ANKRD40CL: variants seen among roughly 807,000 people sequenced by gnomAD.
The protein encoded by ANKRD40CL is ANKRD40 C-terminal like.
For missense variants in ANKRD40CL, 11 were observed against 6.4 expected, an observed-to-expected ratio of 1.71 and a Z score of -0.77; for synonymous variants, 5 against 2.3, an observed-to-expected ratio of 2.14 and a Z score of -1.04.
Position 50,761,359 on chromosome 17 carries a change from G to A in ANKRD40CL, c.*4C>T, listed in dbSNP as rs1172100948. 3 of 398,108 alleles carry A rather than the reference G, an allele frequency of 7.5e-6. No homozygotes were observed. Among genetic ancestry groups the A allele is most frequent in the African/African-American group, 6.2e-5 (3 of 48,514 alleles). 24.7% of individuals were successfully genotyped at this position (398,108 alleles called of 1,614,324 possible). ...CCACCATGCGCGGCCATTCCTGGGA[G>A]TATTTAATAAGTCATTTTTGCAGCT... On this transcript the variant is annotated 3_prime_UTR_variant, in exon 4 of 4. Transcript: ENST00000450727.
intron 2 of ANKRD40CL, 42 bp from the exon 3 acceptor site, chr17:50,763,599 G>A (rs1458227542): frequency 2.5e-6 from 1 of 398,748 alleles, no homozygotes; most frequent in Non-Finnish European, 4.4e-6. Flanking sequence ...TTCAAATACA[G>A]TTTGTAAAGG....
At chr17:50,767,234 T>C (rs937164968) in intron 1 of ANKRD40CL, 7 of 556,866 alleles carry the variant, frequency 1.3e-5, no homozygotes, top group Admixed American at 6.7e-5. Context: ...ATGGTGCCCT[T>C]CGGAGGGGAG....
chr17:50,763,374 A>G (rs557842174), intron 3 of ANKRD40CL, 23 bp downstream of exon 3: 3 of 398,962 alleles, frequency 7.5e-6, no homozygotes, highest in Non-Finnish European at 8.8e-6. Flanking sequence ...GTGATTCTGC[A>G]TTTAGAAACT....
chr17:50,765,158 A>G (rs1002379045), intron 2 of ANKRD40CL: 2 of 152,220 alleles, frequency 1.3e-5, no homozygotes, highest in African/African-American at 4.8e-5. Flanking sequence ...TATACCCTGG[A>G]TTTTGGAGGC....
intron 2 of ANKRD40CL, 34 bp downstream of exon 2, chr17:50,766,840 A>G: frequency 1.6e-6 from 1 of 626,924 alleles, no homozygotes; most frequent in Non-Finnish European, 2.9e-6. Flanking sequence ...ATCCTCCTTG[A>G]GGACCATGTT....
chr17:50,763,649 C>G, intron 2 of ANKRD40CL, 92 bp from the exon 3 acceptor site: 1 of 397,986 alleles, frequency 2.5e-6, no homozygotes, highest in Non-Finnish European at 4.4e-6. Flanking sequence ...TCTATTATTA[C>G]AGCATAAATA....
At chr17:50,764,642 G>A (rs1463600577) in intron 2 of ANKRD40CL, 3 of 162,134 alleles carry the variant, frequency 1.9e-5, no homozygotes, top group East Asian at 1.7e-4. Flanking sequence ...GGAAGGGAAA[G>A]GAGTGAATAT....
At chr17:50,761,932 T>C (rs912376671) in intron 3 of ANKRD40CL, among the ~76,000 whole-genome samples, 1 of 151,410 alleles carries the variant, frequency 6.6e-6, no homozygotes, top group Non-Finnish European at 1.5e-5. Context: ...CCCCATAAGA[T>C]AGTTCTGTAT....
At chr17:50,767,337 AG>A (rs958220779) in intron 1 of ANKRD40CL, 125 bp downstream of exon 1, 2 of 368,628 alleles carry the variant, frequency 5.4e-6, no homozygotes, top group African/African-American at 4.3e-5. Flanking sequence ...ACCAGGGGTA[AG>A]AAAAACCAAA....
At chr17:50,767,140 A>C in intron 1 of ANKRD40CL, 129 bp from the exon 2 acceptor site, 1 of 674,422 alleles carries the variant, frequency 1.5e-6, no homozygotes, top group Non-Finnish European at 2.7e-6. Flanking sequence ...CAGTGAAGGA[A>C]GGTACTGAAG....
chr17:50,764,042 G>A, intron 2 of ANKRD40CL: 1 of 397,272 alleles, frequency 2.5e-6, no homozygotes, highest in South Asian at 1.4e-4. Context: ...CATCTTTCAG[G>A]ACAGTGGCAT....
Position 50,761,116 on chromosome 17 carries a change from T to C in ANKRD40CL, c.*247A>G. The C allele has an allele frequency of 4.6e-6, 1 of 218,016 alleles. No homozygotes were observed. The allele number at this position is 218,016 out of a possible 1,614,324, so 13.5% of individuals were successfully genotyped here. ...GTGCAGTGGCGCAATCTCAGCTCAC[T>C]GCAACCTCTGCCTCCTGGGTTCAGG... On this transcript the variant is annotated 3_prime_UTR_variant, in exon 4 of 4. Coordinates refer to ENST00000450727, the MANE Select transcript of ANKRD40CL (RefSeq NM_001358683.3).
At chr17:50,764,292 T>C (rs1971258301) in intron 2 of ANKRD40CL, 1 of 398,466 alleles carries the variant, frequency 2.5e-6, no homozygotes, top group South Asian at 1.3e-4. Context: ...ACCTGACCAG[T>C]TGGCTGTCTG....
At chr17:50,766,841 G>A in intron 2 of ANKRD40CL, 33 bp downstream of exon 2, 1 of 627,282 alleles carries the variant, frequency 1.6e-6, no homozygotes, top group Non-Finnish European at 2.8e-6. Context: ...TCCTCCTTGA[G>A]GACCATGTTG....
At position 50,766,852 on chromosome 17, in the gene ANKRD40CL, G is replaced by A. The variant is rs145436333; in HGVS notation, c.40+22C>T. The A allele has an allele frequency of 2.3e-4, 144 of 639,558 alleles. 11 individuals are homozygous for A. The African/African-American group carries it at 2.3e-3, about 10-fold the overall frequency. 39.6% of individuals were successfully genotyped at this position (639,558 alleles called of 1,614,324 possible). On this transcript the variant is annotated intron_variant, in intron 2 of 3. Transcript: ENST00000450727. ...CCCATCCTCCTTGAGGACCATGTTG[G>A]GAACAGGACTCCCAGACTCACCTGC...
chr17:50,765,809 C>G (rs1465165731), intron 2 of ANKRD40CL, among the ~76,000 whole-genome samples: 1 of 152,140 alleles, frequency 6.6e-6, no homozygotes, highest in African/African-American at 2.4e-5. Flanking sequence ...ATGAGGGACT[C>G]TGGCAGAGGG....
intron 2 of ANKRD40CL, 130 bp from the exon 3 acceptor site, chr17:50,763,687 A>C: frequency 2.5e-6 from 1 of 397,042 alleles, no homozygotes; most frequent in Non-Finnish European, 4.4e-6. Flanking sequence ...TTAAGTAGAC[A>C]TGGAGCTTTC....
At chr17:50,761,924 C>T (rs986613439) in intron 3 of ANKRD40CL, among the ~76,000 whole-genome samples, 3 of 151,522 alleles carry the variant, frequency 2.0e-5, no homozygotes, top group Admixed American at 1.3e-4. Flanking sequence ...CGCCCGGTCC[C>T]CATAAGATAG....
chr17:50,763,146 C>T (rs190592121), intron 3 of ANKRD40CL: 304 of 327,302 alleles, frequency 9.3e-4, no homozygotes, highest in Non-Finnish European at 1.4e-3. Flanking sequence ...CTGCCCACCT[C>T]GGCCTCCCAA....
Sources: gnomAD v4.1 joint callset for allele counts (sites outside exome capture counted in the v4.1 genomes callset) on GRCh38, gnomAD v4.1.1 for gene constraint, MANE v1.5 for transcripts, NCBI Gene and HGNC (gene_info 2026-07-23, HGNC 2026-07-21) for gene names.